OR4K13: variants seen among roughly 807,000 people sequenced by gnomAD.
The protein encoded by OR4K13 is olfactory receptor 4K13.
For synonymous variants in OR4K13, 160 were observed against 134.8 expected (o/e 1.19, Z -1.30); for missense variants, 403 against 366.0 (o/e 1.10, Z -0.82).
chr14:20,030,205 T>C lies in OR4K13; in HGVS notation c.*3639A>G, dbSNP rs968900655. The C allele has an allele frequency of 4.6e-5, 7 of 152,020 alleles. No individual in the cohort carries two copies. The highest frequency in any genetic ancestry group is 3.3e-4 in the Admixed American group (5 of 15,272). 9.4% of individuals were successfully genotyped at this position (152,020 alleles called of 1,614,324 possible). On this transcript the variant is annotated 3_prime_UTR_variant, in exon 2 of 2. Transcript: ENST00000641904. ...TGATGAAACTGTTCTATCTCTGAGATTTGATAATTATATAACTATGGGCAT... is the reference window on the plus strand; with the variant it reads ...TGATGAAACTGTTCTATCTCTGAGACTTGATAATTATATAACTATGGGCAT...
rs1390044944 is a variant in OR4K13, at chr14:20,030,914, A to C, written c.*2930T>G. ...TGGGCGCCTGTAATCCCAGCTACTC[A>C]GGGGGCTGAGAGAGGAGAATCACTT... On this transcript the variant is annotated 3_prime_UTR_variant, in exon 2 of 2. Coordinates refer to ENST00000641904, the MANE Select transcript of OR4K13 (RefSeq NM_001004714.2). The C allele has an allele frequency of 7.8e-6, 1 of 129,026 alleles. No homozygotes were observed. Among genetic ancestry groups the C allele is most frequent in the Non-Finnish European group, 1.9e-5 (1 of 53,482 alleles). The allele number at this position is 129,026 out of a possible 1,614,324, so 8.0% of individuals were successfully genotyped here.
chr14:20,035,338 T>G (rs1877540284), intron 1 of OR4K13, among the ~76,000 whole-genome samples: 1 of 151,918 alleles, frequency 6.6e-6, no homozygotes, highest in South Asian at 2.1e-4. Flanking sequence ...ATGAATTAGG[T>G]CCTGAGAAAC....
At position 20,030,744 on chromosome 14, in the gene OR4K13, G is replaced by C. The variant is rs1877396259; in HGVS notation, c.*3100C>G. The C allele has an allele frequency of 6.6e-6, 1 of 152,374 alleles. No individual in the cohort carries two copies. The highest frequency in any genetic ancestry group is 2.1e-4 in the South Asian group (1 of 4,832). The allele number at this position is 152,374 out of a possible 1,614,324, so 9.4% of individuals were successfully genotyped here. ...AATTCTAAAGTGCACATTCTGGCTA[G>C]GCACAGTGGCTCACGCCTGTAATCC... On this transcript the variant is annotated 3_prime_UTR_variant, in exon 2 of 2. Transcript: ENST00000641904.
At position 20,034,809 on chromosome 14, in the gene OR4K13, G is replaced by C. The variant is rs745458083; in HGVS notation, c.-51C>G. On this transcript the variant is annotated 5_prime_UTR_variant, in exon 2 of 2. Coordinates refer to ENST00000641904, the MANE Select transcript of OR4K13 (RefSeq NM_001004714.2). ...CAAAATAAGTGAGAATAAGGGGTAG[G>C]GAAATGATGCATATTGGAAAGAAAT... is the stretch of plus-strand genomic sequence containing the variant. The C allele has an allele frequency of 1.0e-5, 14 of 1,391,944 alleles. No homozygotes were observed. The East Asian group carries it at 3.0e-4, about 30-fold the overall frequency. The allele number at this position is 1,391,944 out of a possible 1,614,324, so 86.2% of individuals were successfully genotyped here.
Position 20,031,711 on chromosome 14 carries a change from A to T in OR4K13, c.*2133T>A, listed in dbSNP as rs1594164089. On this transcript the variant is annotated 3_prime_UTR_variant, in exon 2 of 2. Coordinates refer to ENST00000641904, the MANE Select transcript of OR4K13 (RefSeq NM_001004714.2). ...GGTATTTTCATAGTATGTGTTCAGAAAAGAGCTATTTCTAGTTAGATATAA... is the reference window on the plus strand; with the variant it reads ...GGTATTTTCATAGTATGTGTTCAGATAAGAGCTATTTCTAGTTAGATATAA... 6.6e-6 allele frequency: 1 copy of T among 152,196 alleles called. No homozygotes were observed. The highest frequency in any genetic ancestry group is 2.4e-5 in the African/African-American group (1 of 41,450). The allele number at this position is 152,196 out of a possible 1,614,324, so 9.4% of individuals were successfully genotyped here.
intron 1 of OR4K13, among the ~76,000 whole-genome samples, chr14:20,035,209 A>C (rs1428306525): frequency 1.3e-5 from 2 of 152,048 alleles, no homozygotes; most frequent in Non-Finnish European, 2.9e-5. Flanking sequence ...TAAGATAATG[A>C]TTCTGGTGAG....
Position 20,032,506 on chromosome 14 carries a change from G to A in OR4K13, c.*1338C>T, listed in dbSNP as rs543031909. On this transcript the variant is annotated 3_prime_UTR_variant, in exon 2 of 2. Transcript: ENST00000641904. Reference sequence around the variant, plus strand: ...ATGTTTTATCTTCTGTCTCTGGAATGGCTTTTCTGGATACTAGGTATAATA... The same window carrying A: ...ATGTTTTATCTTCTGTCTCTGGAATAGCTTTTCTGGATACTAGGTATAATA... 32 of 152,264 alleles carry A rather than the reference G, an allele frequency of 2.1e-4. No homozygotes were observed. The highest frequency in any genetic ancestry group is 7.0e-4 in the African/African-American group (29 of 41,572). The allele number at this position is 152,264 out of a possible 1,614,324, so 9.4% of individuals were successfully genotyped here.
chr14:20,034,470 A>G lies in OR4K13; in HGVS notation c.289T>C (p.Cys97Arg), dbSNP rs549162154. 2 of 1,613,910 alleles carry G rather than the reference A, an allele frequency of 1.2e-6. No individual in the cohort carries two copies. The highest frequency in any genetic ancestry group is 1.7e-5 in the Admixed American group (1 of 59,978). Residue 97 changes from cysteine to arginine, a missense_variant, in exon 2 of 2, where the codon TGT becomes CGT. Cys to Arg is a radical substitution (Grantham distance 180, BLOSUM62 -3). Coordinates refer to ENST00000641904, the MANE Select transcript of OR4K13 (RefSeq NM_001004714.2). ...RERKTISWWG[C>R]YSQMFFMHLL... is the part of the protein sequence containing the mutation. Reference sequence around the variant, plus strand: ...TGCATAAAGAACATCTGGGAATAACATCCCCACCATGAGATGGTCTTACGT... The same window carrying G: ...TGCATAAAGAACATCTGGGAATAACGTCCCCACCATGAGATGGTCTTACGT...
rs747519058 is a variant in OR4K13, at chr14:20,034,646, A to G, written c.113T>C (p.Ile38Thr). The G allele has an allele frequency of 3.7e-6, 6 of 1,614,020 alleles. No homozygotes were observed. The highest frequency in any genetic ancestry group is 2.2e-5 in the East Asian group (1 of 44,878). Residue 38 changes from isoleucine (I) to threonine (T), a missense_variant, in exon 2 of 2, where the codon ATT becomes ACT. Coordinates refer to ENST00000641904, the MANE Select transcript of OR4K13 (RefSeq NM_001004714.2). ...CAAGATGAGCAGGTTTCCTAACACA[A>G]TCCCCACGAAGACCACAGAGAATCC... Reference protein sequence around the residue: ...FLGFSVVFVGIVLGNLLILVT... With the variant: ...FLGFSVVFVGTVLGNLLILVT...
rs766905627 is a variant in OR4K13, at chr14:20,034,317, A to C, written c.442T>G (p.Ser148Ala). 1 of 1,614,024 alleles carries C rather than the reference A, an allele frequency of 6.2e-7. No homozygotes were observed. Among genetic ancestry groups the C allele is most frequent in the South Asian group, 1.1e-5 (1 of 91,084 alleles). The change falls in exon 2 of 2, where the codon TCC becomes GCC. Residue 148 changes from serine to alanine, a missense_variant. Transcript: ENST00000641904. Reference protein sequence around the residue: ...PRVLTGLLLSSYAVGFVHSSS... With the variant: ...PRVLTGLLLSAYAVGFVHSSS... ...GAGTGCACAAATCCAACTGCATAGG[A>C]GGATAACAGTAGCCCAGTGAGCACC... is the stretch of plus-strand genomic sequence containing the variant.
chr14:20,030,563 A>C lies in OR4K13; in HGVS notation c.*3281T>G, dbSNP rs148198878. On this transcript the variant is annotated 3_prime_UTR_variant, in exon 2 of 2. Coordinates refer to ENST00000641904, the MANE Select transcript of OR4K13 (RefSeq NM_001004714.2). ...GAACAAATTCATAGGTAGAATTGTG[A>C]ATAGGAAGAGACAAATATCAGTATT... 166 of 152,278 alleles carry C rather than the reference A, an allele frequency of 1.1e-3. No individual in the cohort carries two copies. Among genetic ancestry groups the C allele is most frequent in the African/African-American group, 3.9e-3 (161 of 41,564 alleles). 9.4% of individuals were successfully genotyped at this position (152,278 alleles called of 1,614,324 possible).
rs1285914164 is a variant in OR4K13 at position 20,033,419 on chromosome 14, G to C, written c.*425C>G. On this transcript the variant is annotated 3_prime_UTR_variant, in exon 2 of 2. Transcript: ENST00000641904. ...CTAACAATAATAATGTGTTTTCTGAGGTTTAAGAGCATGCTAAAATAATAA... is the reference window on the plus strand; with the variant it reads ...CTAACAATAATAATGTGTTTTCTGACGTTTAAGAGCATGCTAAAATAATAA... 6.4e-6 allele frequency: 1 copy of C among 156,096 alleles called. No homozygotes were observed. The highest frequency in any genetic ancestry group is 1.4e-5 in the Non-Finnish European group (1 of 70,798). 9.7% of individuals were successfully genotyped at this position (156,096 alleles called of 1,614,324 possible). A position where few individuals can be genotyped will look rare whatever the true frequency, so the allele number is the denominator to read the frequency against.
chr14:20,034,237 T>G lies in OR4K13; in HGVS notation c.522A>C (p.Ile174=). 6.2e-7 allele frequency: 1 copy of G among 1,614,126 alleles called. No homozygotes were observed. Among genetic ancestry groups the G allele is most frequent in the Non-Finnish European group, 8.5e-7 (1 of 1,180,026 alleles). The change falls in exon 2 of 2, where the codon ATA becomes ATC. Residue 174 remains isoleucine (I), a synonymous_variant. Transcript: ENST00000641904. Reference sequence around the variant, plus strand: ...GGGGAAGGTCACAGAAAAAGCTGTCTATAACATTGGGACCACAGAAGGGCA... The same window carrying G: ...GGGGAAGGTCACAGAAAAAGCTGTCGATAACATTGGGACCACAGAAGGGCA... ...LTLPFCGPNV[I]DSFFCDLPLV...
At position 20,034,558 on chromosome 14, in the gene OR4K13, G is replaced by A; in HGVS notation, c.201C>T (p.Ser67=). 6.2e-7 allele frequency: 1 copy of A among 1,613,908 alleles called. No homozygotes were observed. Residue 67 remains serine, a synonymous_variant, in exon 2 of 2, where the codon TCC becomes TCT. Coordinates refer to ENST00000641904, the MANE Select transcript of OR4K13 (RefSeq NM_001004714.2). The part of the protein sequence containing the change: ...TPMYFLLSNL[S]CIDMILASFA... ...AAGAAGCCAGGATCATATCAATGCA[G>A]GAGAGGTTGCTAAGCAGAAAATACA...
Position 20,030,674 on chromosome 14 carries a change from TAG to T in OR4K13, c.*3168_*3169del, listed in dbSNP as rs1877394650. 6.6e-6 allele frequency: 1 copy of T among 152,198 alleles called. No homozygotes were observed. The highest frequency in any genetic ancestry group is 2.4e-5 in the African/African-American group (1 of 41,432). 9.4% of individuals were successfully genotyped at this position (152,198 alleles called of 1,614,324 possible). A position where few individuals can be genotyped will look rare whatever the true frequency, so the allele number is the denominator to read the frequency against. On this transcript the variant is annotated 3_prime_UTR_variant, in exon 2 of 2. Transcript: ENST00000641904. ...ATTTTAACCCTGGGATCCCCTTAAA[TAG>T]AGAGTTTGCAGAACAAACATTTAGC...
intron 1 of OR4K13, 162 bp downstream of exon 1, chr14:20,035,775 CA>C (rs1299684619): frequency 6.6e-6 from 1 of 152,008 alleles, no homozygotes; most frequent in Non-Finnish European, 1.5e-5. Context: ...AAATTTATGA[CA>C]AAATTTGTCA....
Position 20,033,660 on chromosome 14 carries a change from A to G in OR4K13, c.*184T>C. The G allele has an allele frequency of 6.3e-6, 3 of 473,248 alleles. No homozygotes were observed. Among genetic ancestry groups the G allele is most frequent in the South Asian group, 5.5e-5 (2 of 36,458 alleles). The allele number at this position is 473,248 out of a possible 1,614,324, so 29.3% of individuals were successfully genotyped here. ...TACTATTTCCTCATATGGAACTTGA[A>G]CTGTTAGCTGGTACACAAGTTATAG... On this transcript the variant is annotated 3_prime_UTR_variant, in exon 2 of 2. Coordinates refer to ENST00000641904, the MANE Select transcript of OR4K13 (RefSeq NM_001004714.2).
rs1172794175 is a variant in OR4K13 at position 20,034,378 on chromosome 14, G to C, written c.381C>G (p.Cys127Trp). The change falls in exon 2 of 2, where the codon TGC becomes TGG. Residue 127 changes from cysteine to tryptophan, a missense_variant. Physicochemically the swap from Cys to Trp is radical, Grantham distance 215 (BLOSUM62 -2). Coordinates refer to ENST00000641904, the MANE Select transcript of OR4K13 (RefSeq NM_001004714.2). ...TGATGGTCATGTAATGGAGGGGTTTGCATATGGCAACATACCTGTCTATTG... is the reference window on the plus strand; with the variant it reads ...TGATGGTCATGTAATGGAGGGGTTTCCATATGGCAACATACCTGTCTATTG... Reference protein sequence around the residue: ...AMAIDRYVAICKPLHYMTIMS... With the variant: ...AMAIDRYVAIWKPLHYMTIMS... 6.2e-7 allele frequency: 1 copy of C among 1,614,044 alleles called. No individual in the cohort carries two copies. Among genetic ancestry groups the C allele is most frequent in the South Asian group, 1.1e-5 (1 of 91,078 alleles).
At position 20,033,735 on chromosome 14, in the gene OR4K13, C is replaced by T. The variant is rs985879900; in HGVS notation, c.*109G>A. On this transcript the variant is annotated 3_prime_UTR_variant, in exon 2 of 2. Transcript: ENST00000641904. ...TGTCATTTACTTTAATGGCAAAAAC[C>T]GCAATGACTTTTGCACGAACCTGAT... 44 of 626,162 alleles carry T rather than the reference C, an allele frequency of 7.0e-5. No homozygotes were observed. Among genetic ancestry groups the T allele is most frequent in the Non-Finnish European group, 9.7e-5 (36 of 369,362 alleles). 38.8% of individuals were successfully genotyped at this position (626,162 alleles called of 1,614,324 possible).
Sources: allele counts gnomAD v4.1 joint callset (sites outside exome capture counted in the v4.1 genomes callset), GRCh38; gene constraint gnomAD v4.1.1; transcripts MANE v1.5; gene names NCBI Gene and HGNC (gene_info 2026-07-23, HGNC 2026-07-21).